MCM9: variants seen among roughly 807,000 people sequenced by gnomAD.
The protein encoded by MCM9 is DNA helicase MCM9.
A neutral mutation model predicts 72.8 loss-of-function variants in MCM9; 55 were observed. That is an observed-to-expected ratio of 0.76 (90% CI 0.61 to 0.95). The LOEUF is 0.95. MCM9 is among the 40% of genes least tolerant of loss of function. MCM9 has a pLI of 0.00. For synonymous variants in MCM9, 480 were observed against 503.4 expected (o/e 0.95, Z 0.62); for missense variants, 1,279 against 1,377.0 (o/e 0.93, Z 1.13).
At chr6:118,826,008 T>C (rs1774144333) in intron 13 of MCM9, 139 bp downstream of exon 13, 4 of 851,804 alleles carry the variant, frequency 4.7e-6, no homozygotes, top group South Asian at 1.9e-5. Context: ...CTCCTATAGA[T>C]AGTATCTGCC....
intron 8 of MCM9, among the ~76,000 whole-genome samples, chr6:118,897,768 T>G (rs1779527201): frequency 6.6e-6 from 1 of 152,040 alleles, no homozygotes; most frequent in South Asian, 2.1e-4. Context: ...GTAAAACATC[T>G]GACCTTACCC....
intron 9 of MCM9, among the ~76,000 whole-genome samples, chr6:118,838,962 T>C (rs1775164874): frequency 6.6e-6 from 1 of 152,192 alleles, no homozygotes; most frequent in South Asian, 2.1e-4. Context: ...TTTCCTGAAT[T>C]TGAATGTTGG....
At chr6:118,930,570 ATAGT>A (rs985895399) in intron 3 of MCM9, among the ~76,000 whole-genome samples, 16 of 152,190 alleles carry the variant, frequency 1.1e-4, no homozygotes, top group South Asian at 4.1e-4. Context: ...CAATAATGGC[ATAGT>A]TAAATTTTGT....
At chr6:118,832,594 G>A (rs779401281) in intron 9 of MCM9, among the ~76,000 whole-genome samples, 6 of 152,162 alleles carry the variant, frequency 3.9e-5, no homozygotes, top group Non-Finnish European at 8.8e-5. Flanking sequence ...ACTTCAAGAA[G>A]TAAAGACATT....
At chr6:118,928,186 G>A (rs190504684) in intron 3 of MCM9, among the ~76,000 whole-genome samples, 117 of 152,260 alleles carry the variant, frequency 7.7e-4, no homozygotes, top group African/African-American at 2.4e-3. Context: ...TGAGGTGGGC[G>A]GATCACCTGA....
chr6:118,853,420 C>T (rs1032772005), intron 9 of MCM9, among the ~76,000 whole-genome samples: 4 of 151,770 alleles, frequency 2.6e-5, no homozygotes, highest in Non-Finnish European at 4.4e-5. Flanking sequence ...ACCAGCCTGC[C>T]GATTTCTACA....
chr6:118,905,837 C>G (rs1235546468), intron 8 of MCM9: 3 of 1,554,328 alleles, frequency 1.9e-6, no homozygotes, highest in East Asian at 4.6e-5. Context: ...AGGTAATGTT[C>G]TTACTATTCC....
At chr6:118,932,121 T>C (rs1782489245) in intron 2 of MCM9, among the ~76,000 whole-genome samples, 1 of 152,246 alleles carries the variant, frequency 6.6e-6, no homozygotes, top group Non-Finnish European at 1.5e-5. Flanking sequence ...TGTATCCTTA[T>C]TGTATCTTTT....
chr6:118,902,583 T>C (rs1779878830), intron 8 of MCM9, among the ~76,000 whole-genome samples: 1 of 151,442 alleles, frequency 6.6e-6, no homozygotes, highest in Admixed American at 6.6e-5. Context: ...TGCCTTGTTA[T>C]TGAAACAAAC....
intron 9 of MCM9, among the ~76,000 whole-genome samples, chr6:118,846,669 A>G (rs1775890622): frequency 6.6e-6 from 1 of 151,770 alleles, no homozygotes; most frequent in Admixed American, 6.6e-5. Context: ...AGCAGTGGAT[A>G]TTAAACATCC....
intron 8 of MCM9, chr6:118,894,427 A>G (rs1207308968): frequency 6.5e-7 from 1 of 1,537,038 alleles, no homozygotes; most frequent in Admixed American, 2.0e-5. Flanking sequence ...GCAAAGGTTC[A>G]GGTGAACAAT....
chr6:118,899,068 T>A (rs1779626312), intron 8 of MCM9, among the ~76,000 whole-genome samples: 1 of 152,192 alleles, frequency 6.6e-6, no homozygotes, highest in Non-Finnish European at 1.5e-5. Flanking sequence ...GCTTTCATCT[T>A]CAGGATTTTA....
intron 13 of MCM9, among the ~76,000 whole-genome samples, chr6:118,818,182 T>A (rs898169209): frequency 1.3e-5 from 2 of 152,212 alleles, no homozygotes; most frequent in African/African-American, 2.4e-5. Context: ...CTTTTGGTAT[T>A]TTAGTCATGA....
At chr6:118,918,130 A>G (rs572504924) in intron 5 of MCM9, 1 of 203,950 alleles carries the variant, frequency 4.9e-6, no homozygotes, top group East Asian at 1.3e-4. Flanking sequence ...GCTCTCATTT[A>G]GAGAAGAGAT....
rs765626115 is a variant in MCM9, at chr6:118,931,720, T to C, written c.4A>G (p.Asn2Asp). The change falls in exon 3 of 14, where the codon AAT (asparagine) becomes GAT (aspartate). Residue 2 changes from asparagine to aspartate, a missense_variant. Transcript: ENST00000619706. M[N>D]SDQVTLVGQV... is the part of the protein sequence containing the mutation. ...CCAACCAGTGTAACTTGATCGCTAT[T>C]CATCTTGAATCTAGGTAACTAAAGA... is the stretch of plus-strand genomic sequence containing the variant. The C allele has an allele frequency of 6.2e-7, 1 of 1,603,348 alleles. No homozygotes were observed. The highest frequency in any genetic ancestry group is 1.7e-5 in the Admixed American group (1 of 59,060).
chr6:118,827,888 A>G, intron 11 of MCM9, 39 bp downstream of exon 11: 1 of 1,537,304 alleles, frequency 6.5e-7, no homozygotes, highest in South Asian at 1.2e-5. Flanking sequence ...GCACACACGC[A>G]GCATTCAATA....
intron 5 of MCM9, chr6:118,920,245 A>C (rs950241643): frequency 6.6e-6 from 1 of 152,218 alleles, no homozygotes. Context: ...GGGGTTGCTT[A>C]GCAGGCAATC....
chr6:118,825,421 T>C (rs752986877), intron 13 of MCM9, among the ~76,000 whole-genome samples: 24 of 152,214 alleles, frequency 1.6e-4, no homozygotes, highest in Non-Finnish European at 3.1e-4. Context: ...TCAAGGATTT[T>C]TTTTTAACGT....
rs1198740105 is a variant in MCM9 at position 118,815,716 on chromosome 6, T to C, written c.2540A>G (p.Asn847Ser). 1.9e-6 allele frequency: 3 copies of C among 1,546,656 alleles called. No homozygotes were observed. Among genetic ancestry groups the C allele is most frequent in the Non-Finnish European group, 2.6e-6 (3 of 1,146,764 alleles). The change falls in exon 14 of 14, where the codon AAC becomes AGC. Residue 847 changes from asparagine to serine, a missense_variant. By Grantham distance (46) the Asn-to-Ser change is conservative. Coordinates refer to ENST00000619706, the MANE Select transcript of MCM9 (RefSeq NM_017696.3). ...CCTCTCTTTGCACAGCTTCTGCAGGTTCCTGGGGACATGATGAGTCAGTAC... is the reference window on the plus strand; with the variant it reads ...CCTCTCTTTGCACAGCTTCTGCAGGCTCCTGGGGACATGATGAGTCAGTAC... ...DSVLTHHVPR[N>S]LQKLCKERAQ...
Sources: allele counts gnomAD v4.1 joint callset (sites outside exome capture counted in the v4.1 genomes callset), GRCh38; gene constraint gnomAD v4.1.1; transcripts MANE v1.5; gene names NCBI Gene and HGNC (gene_info 2026-07-23, HGNC 2026-07-21).